Variants in WFDC6 observed in about 807,000 individuals in gnomAD.
The protein encoded by WFDC6 is WAP four-disulfide core domain protein 6.
WFDC6 carries 10 observed loss-of-function variants against 8.2 expected under a neutral mutation model. The ratio of observed to expected loss-of-function variants is 1.22; its 90% CI spans 0.75 to 2.07. The LOEUF (loss-of-function observed/expected upper bound fraction) is 2.07, where lower values mean the gene tolerates loss of function less well. WFDC6 is among the 30% of genes most tolerant of loss of function. The pLI is 0.00. For synonymous variants in WFDC6, 28 were observed against 37.0 expected (o/e 0.76, Z 0.88); for missense variants, 105 against 104.9 (o/e 1.00, Z 0.00).
chr20:45,538,080 T>C lies in WFDC6; in HGVS notation c.106A>G (p.Ile36Val). ...TCTTCCACTTCGCATTCCACTTTGA[T>C]TTTGGGACACGGCTCTAAGGGAGGG... is the stretch of plus-strand genomic sequence containing the variant. ...EGILGKPCPK[I>V]KVECEVEEID... Residue 36 changes from isoleucine to valine, a missense_variant, in exon 2 of 3, where the codon ATC becomes GTC. Physicochemically the swap from Ile to Val is conservative, Grantham distance 29 (BLOSUM62 3). Coordinates refer to ENST00000372670, the MANE Select transcript of WFDC6 (RefSeq NM_080827.2). The C allele has an allele frequency of 1.2e-6, 2 of 1,613,928 alleles. No homozygotes were observed. The highest frequency in any genetic ancestry group is 1.7e-6 in the Non-Finnish European group (2 of 1,179,892).
intron 2 of WFDC6, among the ~76,000 whole-genome samples, 196 bp from the exon 3 acceptor site, chr20:45,534,701 G>A (rs1280214057): frequency 6.6e-6 from 1 of 152,196 alleles, no homozygotes; most frequent in African/African-American, 2.4e-5. Context: ...TATGCCTGTT[G>A]TCTCAGTGTA....
chr20:45,539,264 C>A, intron 1 of WFDC6, 53 bp downstream of exon 1: 1 of 1,532,268 alleles, frequency 6.5e-7, no homozygotes, highest in Non-Finnish European at 9.0e-7. Context: ...TTGTTCCTTC[C>A]TCCCCACTGA....
intron 1 of WFDC6, 150 bp downstream of exon 1, chr20:45,539,167 C>T (rs372554720): frequency 8.3e-6 from 6 of 725,276 alleles, no homozygotes; most frequent in Admixed American, 4.7e-5. Context: ...AGTCTCTTAC[C>T]AAGAGACTTC....
intron 2 of WFDC6, among the ~76,000 whole-genome samples, chr20:45,535,796 G>A (rs1428579888): frequency 2.0e-5 from 3 of 152,090 alleles, no homozygotes; most frequent in African/African-American, 4.8e-5. Context: ...CGATCTGCTG[G>A]GCACAGGATA....
chr20:45,535,147 C>T (rs2145541213), intron 2 of WFDC6: 1 of 1,301,320 alleles, frequency 7.7e-7, no homozygotes, highest in Non-Finnish European at 1.0e-6. Flanking sequence ...GAGACCGGGA[C>T]CTCTGGGACT....
intron 2 of WFDC6, among the ~76,000 whole-genome samples, chr20:45,536,251 G>A (rs1302861960): frequency 8.1e-5 from 12 of 147,302 alleles, no homozygotes; most frequent in South Asian, 2.1e-4. Context: ...AGTATTCACA[G>A]AAAAAAAAAA....
intron 2 of WFDC6, among the ~76,000 whole-genome samples, chr20:45,536,221 CAT>C (rs1445097913): frequency 2.0e-5 from 3 of 148,970 alleles, no homozygotes; most frequent in Non-Finnish European, 4.4e-5. Flanking sequence ...GGTAATTTGG[CAT>C]AGAGAGGATG....
intron 1 of WFDC6, 106 bp from the exon 2 acceptor site, chr20:45,538,200 C>T: frequency 6.4e-7 from 1 of 1,570,254 alleles, no homozygotes; most frequent in Non-Finnish European, 8.6e-7. Flanking sequence ...GTTTCCACTT[C>T]ACCTATCCCC....
intron 2 of WFDC6, chr20:45,536,956 A>G (rs966608549): frequency 5.1e-5 from 8 of 157,114 alleles, no homozygotes; most frequent in Admixed American, 1.2e-4. Context: ...TGCTTAAACA[A>G]TATGAAACCA....
chr20:45,534,315 G>A lies in WFDC6; in HGVS notation c.*152C>T, dbSNP rs1460027497. 3 of 886,676 alleles carry A rather than the reference G, an allele frequency of 3.4e-6. No individual in the cohort carries two copies. Among genetic ancestry groups the A allele is most frequent in the Non-Finnish European group, 5.7e-6 (3 of 529,898 alleles). 54.9% of individuals were successfully genotyped at this position (886,676 alleles called of 1,614,324 possible). On this transcript the variant is annotated 3_prime_UTR_variant, in exon 3 of 3. Coordinates refer to ENST00000372670, the MANE Select transcript of WFDC6 (RefSeq NM_080827.2). ...AAGTGGTCAAGGGGAAGAGCATTGTGTTTGAAGAGATGCTACGCTGGAAGA... is the reference window on the plus strand; with the variant it reads ...AAGTGGTCAAGGGGAAGAGCATTGTATTTGAAGAGATGCTACGCTGGAAGA...
At chr20:45,536,863 C>T (rs535733583) in intron 2 of WFDC6, 8 of 152,790 alleles carry the variant, frequency 5.2e-5, no homozygotes, top group Middle Eastern at 3.4e-3. Flanking sequence ...ATTACAATTT[C>T]TCTAGAAATC....
At chr20:45,537,603 C>T in intron 2 of WFDC6, 1 of 1,512,574 alleles carries the variant, frequency 6.6e-7, no homozygotes, top group South Asian at 1.2e-5. Flanking sequence ...TTATAGCTAT[C>T]ATATAACCTG....
At chr20:45,535,122 C>T (rs181529642) in intron 2 of WFDC6, 1 of 1,286,598 alleles carries the variant, frequency 7.8e-7, no homozygotes, top group Non-Finnish European at 1.0e-6. Context: ...CCCAGTGTGG[C>T]CTTGGTGAGC....
chr20:45,534,652 A>G lies in WFDC6; in HGVS notation c.223-147T>C, dbSNP rs1222035236. ...GAAGGTGAGTTTGGGGGCTCCTAGAATGATCATGAGTTCTGACTTGTCCAG... is the reference window on the plus strand; with the variant it reads ...GAAGGTGAGTTTGGGGGCTCCTAGAGTGATCATGAGTTCTGACTTGTCCAG... On this transcript the variant is annotated intron_variant, in intron 2 of 2. Coordinates refer to ENST00000372670, the MANE Select transcript of WFDC6 (RefSeq NM_080827.2). 4.4e-5 allele frequency: 40 copies of G among 913,100 alleles called. 1 individual carries two copies. The highest frequency in any genetic ancestry group is 5.3e-5 in the Non-Finnish European group (32 of 604,294). The allele number at this position is 913,100 out of a possible 1,614,324, so 56.6% of individuals were successfully genotyped here.
chr20:45,538,012 CA>C lies in WFDC6; in HGVS notation c.173del (p.Met58ArgfsTer13), dbSNP rs748022666. On this transcript the variant is annotated frameshift_variant, in exon 2 of 3. Transcript: ENST00000372670. LOFTEE classifies it low-confidence loss of function (END_TRUNC). ...TTCCACGGCTGAACGGGCAACACTT[CA>C]TGTTTTCTGGGCAATCTCTGGGTTT... ...CTKPRDCPENMKCCPFSRGKK... is the reference protein window; with the variant it reads ...CTKPRDCPENXKCCPFSRGKK... 1.2e-6 allele frequency: 2 copies of C among 1,614,048 alleles called. No homozygotes were observed. The highest frequency in any genetic ancestry group is 1.7e-6 in the Non-Finnish European group (2 of 1,179,946).
chr20:45,535,047 G>T, intron 2 of WFDC6: 14 of 944,222 alleles, frequency 1.5e-5, no homozygotes, highest in African/African-American at 1.7e-5. Context: ...CTTCTGCATT[G>T]GAGCTGGTTT....
In WFDC6 at chr20:45,539,399, G is replaced by A. The variant is rs779604737; in HGVS notation, c.9C>T (p.Leu3=). The A allele has an allele frequency of 5.0e-6, 8 of 1,613,790 alleles. No homozygotes were observed. Among genetic ancestry groups the A allele is most frequent in the South Asian group, 1.1e-5 (1 of 91,074 alleles). ...GTACCAGGATTGGCAGAAGTCCTGAGAGTCCCATTTTAGGAAGTACTGGCC... is the reference window on the plus strand; with the variant it reads ...GTACCAGGATTGGCAGAAGTCCTGAAAGTCCCATTTTAGGAAGTACTGGCC... MG[L]SGLLPILVPF... is the part of the protein sequence containing the mutation. Residue 3 remains leucine, a synonymous_variant, in exon 1 of 3, where the codon CTC becomes CTT. Transcript: ENST00000372670.
Position 45,539,356 on chromosome 20 carries a change from C to A in WFDC6, c.52G>T (p.Asp18Tyr), listed in dbSNP as rs1263404649. Reference sequence around the variant, plus strand: ...TCAGCGTGCCCAGGTTCCTGGATGTCCCCCAAAAGGATGAATGGTACCAGG... The same window carrying A: ...TCAGCGTGCCCAGGTTCCTGGATGTACCCCAAAAGGATGAATGGTACCAGG... ...PILVPFILLG[D>Y]IQEPGHAEGI... Residue 18 changes from aspartate to tyrosine, a missense_variant, in exon 1 of 3, where the codon GAC becomes TAC. Coordinates refer to ENST00000372670, the MANE Select transcript of WFDC6 (RefSeq NM_080827.2). The A allele has an allele frequency of 1.2e-6, 2 of 1,613,804 alleles. No individual in the cohort carries two copies. The highest frequency in any genetic ancestry group is 1.3e-5 in the African/African-American group (1 of 74,900).
chr20:45,538,336 C>T (rs1979450772), intron 1 of WFDC6, among the ~76,000 whole-genome samples: 1 of 152,170 alleles, frequency 6.6e-6, no homozygotes. Context: ...CTATGAGATT[C>T]CTGAGAGAAA....
Sources: allele counts gnomAD v4.1 joint callset (sites outside exome capture counted in the v4.1 genomes callset), GRCh38; gene constraint gnomAD v4.1.1; transcripts MANE v1.5; gene names NCBI Gene and HGNC (gene_info 2026-07-23, HGNC 2026-07-21).